Variants in SCHIP1 observed in about 807,000 individuals in gnomAD.
The protein encoded by SCHIP1 is schwannomin interacting protein 1.
In SCHIP1, 8 loss-of-function variants were observed where a neutral mutation model predicts 29.7. The observed-to-expected ratio is 0.27, with a 90% CI of 0.16 to 0.49. The LOEUF (loss-of-function observed/expected upper bound fraction) is 0.49, where lower values mean the gene tolerates loss of function less well. Among genes scored for constraint, SCHIP1 ranks in the 20% least tolerant of loss-of-function variants. The pLI is 0.99. For missense variants in SCHIP1, 193 were observed against 294.6 expected (o/e 0.66, Z 2.52); for synonymous variants, 76 against 94.9 (o/e 0.80, Z 1.16).
chr3:159,310,546 CGTT>C, the SCHIP1 span, among the ~76,000 whole-genome samples: 1 of 152,048 alleles, frequency 6.6e-6, no homozygotes, highest in South Asian at 2.1e-4. Flanking sequence ...AAAATTCTGT[CGTT>C]GTTTCCATAA....
At chr3:159,379,069 T>C in the SCHIP1 span, among the ~76,000 whole-genome samples, 4 of 152,208 alleles carry the variant, frequency 2.6e-5, no homozygotes, top group South Asian at 2.1e-4. Context: ...TTGTCTCTGA[T>C]AGCAGGGACA....
At chr3:159,401,678 T>C in the SCHIP1 span, among the ~76,000 whole-genome samples, 2 of 152,228 alleles carry the variant, frequency 1.3e-5, no homozygotes, top group African/African-American at 4.8e-5. Context: ...GAGTTACTTA[T>C]AGAAACATCT....
At chr3:159,356,409 G>C in the SCHIP1 span, among the ~76,000 whole-genome samples, 1 of 152,050 alleles carries the variant, frequency 6.6e-6, no homozygotes, top group East Asian at 1.9e-4. Context: ...GGTTGTGCTC[G>C]GGCTTTGATG....
the SCHIP1 span, among the ~76,000 whole-genome samples, chr3:159,426,228 C>A: frequency 6.7e-6 from 1 of 150,168 alleles, no homozygotes; most frequent in African/African-American, 2.4e-5. Flanking sequence ...CACAAAAAAC[C>A]CTTAATGAAT....
chr3:159,631,824 T>G, the SCHIP1 span, among the ~76,000 whole-genome samples: 1 of 152,324 alleles, frequency 6.6e-6, no homozygotes, highest in African/African-American at 2.4e-5. Flanking sequence ...GTAAATTTTA[T>G]ATTTTACCAC....
the SCHIP1 span, among the ~76,000 whole-genome samples, chr3:159,426,906 G>C: frequency 0.35 from 53,243 of 151,962 alleles, 11,420 homozygotes; most frequent in Non-Finnish European, 0.48. Flanking sequence ...ATGTAATCCA[G>C]CATATAAACA....
At chr3:159,539,080 C>A in the SCHIP1 span, among the ~76,000 whole-genome samples, 2 of 151,966 alleles carry the variant, frequency 1.3e-5, no homozygotes, top group Non-Finnish European at 1.5e-5. Flanking sequence ...TGGGTTCAGG[C>A]TTTAGGATAA....
chr3:159,724,434 G>A, the SCHIP1 span, among the ~76,000 whole-genome samples: 22 of 152,260 alleles, frequency 1.4e-4, no homozygotes, highest in African/African-American at 4.8e-4. Flanking sequence ...CTAGACCAGC[G>A]TCTTTTTCCC....
the SCHIP1 span, among the ~76,000 whole-genome samples, chr3:159,799,535 C>T: frequency 2.0e-5 from 3 of 152,234 alleles, no homozygotes; most frequent in African/African-American, 2.4e-5. Context: ...TGTCACAAGA[C>T]GGACAAGCCT....
the SCHIP1 span, among the ~76,000 whole-genome samples, chr3:159,649,515 A>C: frequency 1.3e-5 from 2 of 152,284 alleles, no homozygotes; most frequent in African/African-American, 4.8e-5. Context: ...GTAGGCTCAC[A>C]AAATGAACTG....
chr3:159,567,166 T>C, the SCHIP1 span, among the ~76,000 whole-genome samples: 1 of 152,182 alleles, frequency 6.6e-6, no homozygotes, highest in South Asian at 2.1e-4. Flanking sequence ...CTTTTATAAA[T>C]TGTGTTTATA....
the SCHIP1 span, among the ~76,000 whole-genome samples, chr3:159,504,291 A>G: frequency 6.6e-6 from 1 of 152,196 alleles, no homozygotes; most frequent in African/African-American, 2.4e-5. Flanking sequence ...GCTAACCAGA[A>G]ATTATTTTGT....
the SCHIP1 span, among the ~76,000 whole-genome samples, chr3:159,490,527 G>C: frequency 1.3e-3 from 202 of 152,296 alleles, no homozygotes; most frequent in South Asian, 0.024. Context: ...CAACTTCATT[G>C]AGTTACCCAA....
the SCHIP1 span, among the ~76,000 whole-genome samples, chr3:159,340,662 A>T: frequency 2.0e-5 from 3 of 152,078 alleles, no homozygotes; most frequent in Non-Finnish European, 4.4e-5. Flanking sequence ...CATTTTTATC[A>T]GTTATTTTCA....
At chr3:159,847,691 C>G (rs573493781) in intron 1 of SCHIP1, among the ~76,000 whole-genome samples, 35 of 152,244 alleles carry the variant, frequency 2.3e-4, no homozygotes, top group South Asian at 4.1e-4. Flanking sequence ...GGCCCACGAT[C>G]TTTTAGATGT....
At chr3:159,683,767 T>C in the SCHIP1 span, among the ~76,000 whole-genome samples, 1 of 152,222 alleles carries the variant, frequency 6.6e-6, no homozygotes, top group Non-Finnish European at 1.5e-5. Flanking sequence ...TCTATTTCCA[T>C]TCAACCAGAG....
At chr3:159,630,120 A>G in the SCHIP1 span, among the ~76,000 whole-genome samples, 1 of 152,322 alleles carries the variant, frequency 6.6e-6, no homozygotes, top group Non-Finnish European at 1.5e-5. Flanking sequence ...GTAAAGTTTC[A>G]ATTTCCCCTT....
At chr3:159,515,081 G>C in the SCHIP1 span, among the ~76,000 whole-genome samples, 1 of 151,742 alleles carries the variant, frequency 6.6e-6, no homozygotes, top group African/African-American at 2.4e-5. Flanking sequence ...ATTCAACACT[G>C]TGACCCTGTT....
the SCHIP1 span, among the ~76,000 whole-genome samples, chr3:159,525,679 C>G: frequency 6.6e-6 from 1 of 152,236 alleles, no homozygotes; most frequent in Non-Finnish European, 1.5e-5. Context: ...CATTATATAC[C>G]ATTTGCATTT....
Sources: allele counts gnomAD v4.1 joint callset (sites outside exome capture counted in the v4.1 genomes callset), GRCh38; gene constraint gnomAD v4.1.1; transcripts MANE v1.5; gene names NCBI Gene and HGNC (gene_info 2026-07-23, HGNC 2026-07-21).